Variants in PTPRN2 observed in about 807,000 individuals in gnomAD.
PTPRN2 encodes the protein receptor-type tyrosine-protein phosphatase N2.
In PTPRN2, 74 loss-of-function variants were observed where a neutral mutation model predicts 118.8. The ratio of observed to expected loss-of-function variants is 0.62; its 90% confidence interval spans 0.52 to 0.76. The LOEUF (loss-of-function observed/expected upper bound fraction) is 0.76. PTPRN2 is among the 30% of genes least tolerant of loss of function. PTPRN2 has a pLI of 0.00. For synonymous variants in PTPRN2, 641 were observed against 608.0 expected, an observed-to-expected ratio of 1.05 and a Z score of -0.80; for missense variants, 1,481 against 1,394.4, an observed-to-expected ratio of 1.06 and a Z score of -0.99.
chr7:158,023,225 C>T lies in PTPRN2; in HGVS notation c.1723+58073G>A, dbSNP rs184790180. ...AGCCAATCCTGGTTTATTTCTCCAA[C>T]ATCTCGCTAAAGGAGGAGCTCACCA... is the stretch of plus-strand genomic sequence containing the variant. On this transcript the variant is annotated intron_variant, in intron 11 of 22. Coordinates refer to ENST00000389418, the MANE Select transcript of PTPRN2 (RefSeq NM_002847.5). Among the ~76,000 whole-genome samples the T allele has an allele frequency of 1.3e-4, 20 of 152,278 alleles. 1 individual carries two copies. Among genetic ancestry groups the T allele is most frequent in the Admixed American group, 1.2e-3 (19 of 15,296 alleles).
chr7:158,308,590 AG>A (rs1801471467), intron 3 of PTPRN2, among the ~76,000 whole-genome samples: 1 of 151,780 alleles, frequency 6.6e-6, no homozygotes, highest in South Asian at 2.1e-4. Context: ...AACAGCACAA[AG>A]GAGGGAAAGA....
At chr7:158,315,438 C>G (rs1481218915) in intron 3 of PTPRN2, among the ~76,000 whole-genome samples, 2 of 149,992 alleles carry the variant, frequency 1.3e-5, no homozygotes, top group African/African-American at 2.5e-5. Flanking sequence ...AACCCAGGAC[C>G]CCATGAAGGA....
intron 12 of PTPRN2, among the ~76,000 whole-genome samples, chr7:157,820,391 AAC>A (rs1002303725): frequency 2.4e-5 from 3 of 124,296 alleles, no homozygotes; most frequent in African/African-American, 9.3e-5. Context: ...TGCATATTCA[AAC>A]ACACAACACA....
chr7:158,097,460 T>A (rs142746124), intron 10 of PTPRN2, among the ~76,000 whole-genome samples: 1 of 152,140 alleles, frequency 6.6e-6, no homozygotes, highest in Admixed American at 6.5e-5. Flanking sequence ...ACATGAAGAT[T>A]GATCACAGAA....
At chr7:158,197,716 A>G (rs2150724172) in intron 4 of PTPRN2, among the ~76,000 whole-genome samples, 1 of 152,284 alleles carries the variant, frequency 6.6e-6, no homozygotes, top group Admixed American at 6.5e-5. Context: ...CCTTCTTCAC[A>G]AGGTGGCAGG....
intron 2 of PTPRN2, among the ~76,000 whole-genome samples, chr7:158,350,670 G>T (rs1359740369): frequency 1.3e-5 from 2 of 152,122 alleles, no homozygotes; most frequent in Non-Finnish European, 2.9e-5. Flanking sequence ...GGTGCCCTAG[G>T]GACAGGAGAG....
intron 3 of PTPRN2, among the ~76,000 whole-genome samples, chr7:158,249,206 A>C (rs1796490968): frequency 6.6e-6 from 1 of 152,116 alleles, no homozygotes; most frequent in African/African-American, 2.4e-5. Context: ...ACACACATGC[A>C]CACCATACAT....
intron 6 of PTPRN2, among the ~76,000 whole-genome samples, chr7:158,143,378 A>G (rs1819570246): frequency 6.6e-6 from 1 of 152,188 alleles, no homozygotes; most frequent in Admixed American, 6.5e-5. Flanking sequence ...GGAGACCTGA[A>G]GGGCCCTCGG....
intron 3 of PTPRN2, among the ~76,000 whole-genome samples, chr7:158,224,152 G>T (rs1219795081): frequency 6.6e-6 from 1 of 152,144 alleles, no homozygotes; most frequent in African/African-American, 2.4e-5. Flanking sequence ...TAGATCAGAA[G>T]ATTCAACATA....
At chr7:158,035,944 C>G (rs1423428246) in intron 11 of PTPRN2, among the ~76,000 whole-genome samples, 5 of 152,142 alleles carry the variant, frequency 3.3e-5, no homozygotes, top group Non-Finnish European at 5.9e-5. Context: ...AAAACGCAAA[C>G]TAGAGAATTA....
At position 158,210,091 on chromosome 7, in the gene PTPRN2, G is replaced by A. The variant is rs192124624; in HGVS notation, c.278-4818C>T. ...GTTTATAGCTATAAGCAACTACATCGAGAAAAAAGAGAATACCCTCAAACA... is the reference window on the plus strand; with the variant it reads ...GTTTATAGCTATAAGCAACTACATCAAGAAAAAAGAGAATACCCTCAAACA... On this transcript the variant is annotated intron_variant, in intron 3 of 22. Coordinates refer to ENST00000389418, the MANE Select transcript of PTPRN2 (RefSeq NM_002847.5). Among the ~76,000 whole-genome samples, 1,076 of 149,016 alleles carry A rather than the reference G, an allele frequency of 7.2e-3. 10 individuals are homozygous for A. Among genetic ancestry groups the A allele is most frequent in the Middle Eastern group, 0.018 (5 of 284 alleles).
At chr7:158,485,985 T>C (rs573679251) in intron 2 of PTPRN2, among the ~76,000 whole-genome samples, 1 of 152,364 alleles carries the variant, frequency 6.6e-6, no homozygotes, top group South Asian at 2.1e-4. Context: ...TGCTTAACAT[T>C]TGAATCATGT....
intron 6 of PTPRN2, among the ~76,000 whole-genome samples, chr7:158,141,314 G>C (rs145848185): frequency 6.6e-6 from 1 of 152,224 alleles, no homozygotes; most frequent in Non-Finnish European, 1.5e-5. Context: ...CACAGGGCTC[G>C]ACAGTGGCAC....
intron 3 of PTPRN2, among the ~76,000 whole-genome samples, chr7:158,208,274 T>A (rs1047411175): frequency 1.3e-5 from 2 of 152,178 alleles, no homozygotes; most frequent in African/African-American, 2.4e-5. Flanking sequence ...TAGAGAAAGA[T>A]GTCAGTGTTC....
intron 12 of PTPRN2, among the ~76,000 whole-genome samples, chr7:157,765,184 T>C (rs940540073): frequency 6.7e-6 from 1 of 149,098 alleles, no homozygotes; most frequent in Non-Finnish European, 1.5e-5. Context: ...CAACCATCCA[T>C]CCATCATTCC....
At chr7:158,540,650 C>T (rs1042387702) in intron 1 of PTPRN2, among the ~76,000 whole-genome samples, 2 of 152,190 alleles carry the variant, frequency 1.3e-5, no homozygotes, top group Non-Finnish European at 2.9e-5. Flanking sequence ...CACAAGGGAC[C>T]CTGGGGCTTC....
intron 12 of PTPRN2, among the ~76,000 whole-genome samples, chr7:157,872,040 C>T (rs1287831944): frequency 1.6e-5 from 2 of 128,624 alleles, no homozygotes; most frequent in East Asian, 3.4e-4. Flanking sequence ...ATACCCAGCG[C>T]CTCCCCACAC....
In PTPRN2 at chr7:157,847,390, G is replaced by A. The variant is rs148915265; in HGVS notation, c.1788+51283C>T. 1.9e-4 allele frequency among the ~76,000 whole-genome samples: 29 copies of A among 150,500 alleles called. No homozygotes were observed. The East Asian group carries it at 4.6e-3, about 24-fold the overall frequency. ...ACAGAGCCCTCTCTGACTCTATCAC[G>A]TGTGCCCAATGTTTACAGAGCCCTC... On this transcript the variant is annotated intron_variant, in intron 12 of 22. Coordinates refer to ENST00000389418, the MANE Select transcript of PTPRN2 (RefSeq NM_002847.5).
intron 12 of PTPRN2, among the ~76,000 whole-genome samples, chr7:157,702,370 T>C (rs749554278): frequency 6.6e-6 from 1 of 152,112 alleles, no homozygotes; most frequent in South Asian, 2.1e-4. Flanking sequence ...GAAAGCCTGG[T>C]AGGTGCTGGT....
Sources: allele counts gnomAD v4.1 joint callset (sites outside exome capture counted in the v4.1 genomes callset), GRCh38; gene constraint gnomAD v4.1.1; transcripts MANE v1.5; gene names NCBI Gene and HGNC (gene_info 2026-07-23, HGNC 2026-07-21).